PATJ: variants seen among roughly 807,000 people sequenced by gnomAD.
PATJ encodes the protein inaD-like protein.
In PATJ, 190 loss-of-function variants were observed where a neutral mutation model predicts 224.9. That is an observed-to-expected ratio of 0.84 (90% CI 0.75 to 0.95). The LOEUF is 0.95. Among genes scored for constraint, PATJ ranks in the 40% least tolerant of loss-of-function variants. PATJ has a pLI of 0.00. For synonymous variants in PATJ, 769 were observed against 820.3 expected, an observed-to-expected ratio of 0.94 and a Z score of 1.07; for missense variants, 2,121 against 2,270.3, an observed-to-expected ratio of 0.93 and a Z score of 1.34.
chr1:62,145,311 C>T (rs1372154380), intron 41 of PATJ, among the ~76,000 whole-genome samples: 3 of 152,126 alleles, frequency 2.0e-5, no homozygotes, highest in Admixed American at 1.3e-4. Flanking sequence ...AAGTGATAGA[C>T]AATAAATAAG....
At chr1:62,029,189 C>T (rs1537316) in intron 29 of PATJ, among the ~76,000 whole-genome samples, 17,375 of 152,088 alleles carry the variant, frequency 0.11, 1,252 homozygotes, top group Middle Eastern at 0.23. Context: ...TTGAAATTCC[C>T]TATGAATTTT....
At chr1:61,828,304 A>C (rs1399870004) in intron 16 of PATJ, among the ~76,000 whole-genome samples, 4 of 152,074 alleles carry the variant, frequency 2.6e-5, no homozygotes, top group African/African-American at 9.7e-5. Context: ...ATTGCCATAA[A>C]ACCCTTCAGA....
At chr1:61,751,236 A>C (rs1645305852) in intron 1 of PATJ, among the ~76,000 whole-genome samples, 1 of 151,860 alleles carries the variant, frequency 6.6e-6, no homozygotes, top group Admixed American at 6.6e-5. Flanking sequence ...TCCTGGCCTC[A>C]AGTGATCCGT....
At chr1:62,076,058 G>C (rs1225084729) in intron 31 of PATJ, among the ~76,000 whole-genome samples, 1 of 152,058 alleles carries the variant, frequency 6.6e-6, no homozygotes, top group African/African-American at 2.4e-5. Context: ...AATCACGAAT[G>C]CTAGGACCCC....
chr1:61,812,467 T>TGTGTGTGTGTGTGTGTGTGTGG (rs1655074525), intron 14 of PATJ, among the ~76,000 whole-genome samples: 1 of 137,286 alleles, frequency 7.3e-6, no homozygotes, highest in Non-Finnish European at 1.6e-5. Flanking sequence ...TGTGTGTGTG[T>TGTGTGTGTGTGTGTGTGTGTGG]GGTGGTATTG....
chr1:61,801,876 C>A, intron 12 of PATJ, 107 bp downstream of exon 12: 2 of 708,154 alleles, frequency 2.8e-6, no homozygotes, highest in Non-Finnish European at 2.1e-6. Flanking sequence ...ATTTTGGAGA[C>A]ATAAAATAGG....
intron 41 of PATJ, among the ~76,000 whole-genome samples, chr1:62,133,393 C>T (rs11207906): frequency 0.17 from 25,962 of 151,974 alleles, 3,610 homozygotes; most frequent in East Asian, 0.64. Context: ...ACCAGCCTGG[C>T]CAACATGGTG....
At chr1:62,034,010 C>T (rs74079638) in intron 29 of PATJ, among the ~76,000 whole-genome samples, 3,302 of 152,252 alleles carry the variant, frequency 0.022, 109 homozygotes, top group African/African-American at 0.075. Flanking sequence ...AGGTCTCACC[C>T]TTATCTGTGG....
chr1:61,821,136 G>A (rs1372027126), intron 14 of PATJ, among the ~76,000 whole-genome samples: 1 of 151,842 alleles, frequency 6.6e-6, no homozygotes. Flanking sequence ...CACCTCCCGG[G>A]TTTACTTATG....
At chr1:61,979,429 C>T (rs759333470) in intron 27 of PATJ, among the ~76,000 whole-genome samples, 2 of 151,972 alleles carry the variant, frequency 1.3e-5, no homozygotes, top group African/African-American at 4.8e-5. Flanking sequence ...CCAAGGTGGG[C>T]AGATCACGAG....
chr1:62,060,393 G>T (rs938085526), intron 31 of PATJ, among the ~76,000 whole-genome samples: 1 of 151,858 alleles, frequency 6.6e-6, no homozygotes, highest in Non-Finnish European at 1.5e-5. Flanking sequence ...TTGAGACAAG[G>T]TCTTGCTCTG....
chr1:61,808,918 A>G (rs1211583770), intron 14 of PATJ, among the ~76,000 whole-genome samples: 1 of 152,176 alleles, frequency 6.6e-6, no homozygotes, highest in Non-Finnish European at 1.5e-5. Flanking sequence ...TATGCAGAGT[A>G]ACATTGTGCA....
At chr1:61,950,470 A>G (rs1446415456) in intron 27 of PATJ, among the ~76,000 whole-genome samples, 5 of 152,182 alleles carry the variant, frequency 3.3e-5, no homozygotes, top group Admixed American at 2.0e-4. Context: ...AGTTTTTAGC[A>G]TGAAGCAAAC....
chr1:61,782,095 T>TA (rs766662540), intron 7 of PATJ, among the ~76,000 whole-genome samples: 87 of 142,478 alleles, frequency 6.1e-4, no homozygotes, highest in Admixed American at 3.4e-3. Context: ...GACTACACTT[T>TA]AGGCACCTAG....
At chr1:61,763,647 G>A (rs1288337989) in intron 3 of PATJ, among the ~76,000 whole-genome samples, 1 of 151,982 alleles carries the variant, frequency 6.6e-6, no homozygotes, top group Non-Finnish European at 1.5e-5. Flanking sequence ...ATAAAATAGT[G>A]CTTAACTTAA....
chr1:61,994,830 AG>A (rs987566893), intron 28 of PATJ, among the ~76,000 whole-genome samples: 2 of 152,200 alleles, frequency 1.3e-5, no homozygotes, highest in African/African-American at 4.8e-5. Context: ...CTGGGATTAC[AG>A]GGGTGAGCCA....
rs1387153146 is a variant in PATJ, at chr1:62,073,145, T to C, written c.4126-6305T>C. ...TGCTCTTCTGGGGTTGCGTGCGTTA[T>C]AGACCGGGTTCCAAAAGAAAAGGAG... On this transcript the variant is annotated intron_variant, in intron 31 of 43. Coordinates refer to ENST00000642238, the MANE Select transcript of PATJ (RefSeq NM_001350145.3). 6.1e-6 allele frequency: 6 copies of C among 985,278 alleles called. No individual in the cohort carries two copies. In the East Asian group the frequency reaches 6.8e-4, roughly 112 times the overall value. 61.0% of individuals were successfully genotyped at this position (985,278 alleles called of 1,614,324 possible). A position where few individuals can be genotyped will look rare whatever the true frequency, so the allele number is the denominator to read the frequency against.
intron 25 of PATJ, among the ~76,000 whole-genome samples, chr1:61,909,765 G>A (rs1672353006): frequency 6.6e-6 from 1 of 152,138 alleles, no homozygotes; most frequent in Non-Finnish European, 1.5e-5. Flanking sequence ...ATTTTTGTAT[G>A]TCAAGGCAAA....
chr1:61,762,536 T>C (rs535587877), intron 1 of PATJ, among the ~76,000 whole-genome samples: 12 of 152,300 alleles, frequency 7.9e-5, no homozygotes, highest in African/African-American at 2.9e-4. Context: ...GTGGAAGTGC[T>C]GGGTCATATA....
Sources: gnomAD v4.1 joint callset for allele counts (sites outside exome capture counted in the v4.1 genomes callset) on GRCh38, gnomAD v4.1.1 for gene constraint, MANE v1.5 for transcripts, NCBI Gene and HGNC (gene_info 2026-07-23, HGNC 2026-07-21) for gene names.